NMNAT2: variants seen among roughly 807,000 people sequenced by gnomAD.
The protein encoded by NMNAT2 is nicotinamide nucleotide adenylyltransferase 2, also known as nicotinamide/nicotinic acid mononucleotide adenylyltransferase 2.
A neutral mutation model predicts 41.6 loss-of-function variants in NMNAT2; 11 were observed. The observed-to-expected ratio is 0.26, with a 90% CI of 0.17 to 0.44. The LOEUF is 0.44. Among genes scored for constraint, NMNAT2 ranks in the 20% least tolerant of loss-of-function variants. NMNAT2 has a pLI of 1.00. For synonymous variants in NMNAT2, 148 were observed against 151.2 expected (o/e 0.98, Z 0.16); for missense variants, 288 against 407.7 (o/e 0.71, Z 2.53).
At chr1:183,314,794 C>T (rs1353021437) in intron 1 of NMNAT2, among the ~76,000 whole-genome samples, 2 of 152,150 alleles carry the variant, frequency 1.3e-5, no homozygotes, top group Non-Finnish European at 2.9e-5. Context: ...CAGGAGCCTT[C>T]CTTGAGCCCA....
chr1:183,343,804 C>T (rs574423575), intron 1 of NMNAT2, among the ~76,000 whole-genome samples: 21 of 152,290 alleles, frequency 1.4e-4, no homozygotes, highest in African/African-American at 4.8e-4. Context: ...ATTCCAGTGA[C>T]TCCACAACTT....
chr1:183,411,410 C>T (rs1649112833), intron 1 of NMNAT2, among the ~76,000 whole-genome samples: 2 of 152,048 alleles, frequency 1.3e-5, no homozygotes, highest in African/African-American at 2.4e-5. Context: ...CACCTCTGAC[C>T]GTCCCACCTC....
At chr1:183,262,372 G>A (rs1660682593) in intron 8 of NMNAT2, among the ~76,000 whole-genome samples, 1 of 150,562 alleles carries the variant, frequency 6.6e-6, no homozygotes, top group Non-Finnish European at 1.5e-5. Context: ...ATGGTCTAAT[G>A]TATATCTGTA....
At chr1:183,358,110 C>A (rs1663235475) in intron 1 of NMNAT2, among the ~76,000 whole-genome samples, 1 of 152,128 alleles carries the variant, frequency 6.6e-6, no homozygotes, top group Admixed American at 6.6e-5. Flanking sequence ...GAGATCATGT[C>A]CTTTGCAGGG....
chr1:183,255,917 G>T (rs777918084), intron 10 of NMNAT2, among the ~76,000 whole-genome samples: 1 of 151,822 alleles, frequency 6.6e-6, no homozygotes, highest in South Asian at 2.1e-4. Context: ...ACCTGCCTCC[G>T]CCTCCCAAAG....
At chr1:183,309,265 G>A (rs888473949) in intron 1 of NMNAT2, among the ~76,000 whole-genome samples, 3 of 152,200 alleles carry the variant, frequency 2.0e-5, no homozygotes, top group African/African-American at 4.8e-5. Context: ...CTCTCAAAGT[G>A]CTGGAATTAT....
At position 183,264,957 on chromosome 1, in the gene NMNAT2, G is replaced by A. The variant is rs185059027; in HGVS notation, c.652-3654C>T. Among the ~76,000 whole-genome samples the A allele has an allele frequency of 1.5e-3, 223 of 152,160 alleles. 3 individuals are homozygous for A. Among genetic ancestry groups the A allele is most frequent in the African/African-American group, 5.2e-3 (215 of 41,506 alleles). ...GGATTCCCCCAAGCCTCAGTCCCTG[G>A]ACGTTTTTTCTTTTCTATTCACACT... On this transcript the variant is annotated intron_variant, in intron 8 of 10. Coordinates refer to ENST00000287713, the MANE Select transcript of NMNAT2 (RefSeq NM_015039.4).
At chr1:183,292,743 A>G (rs200770027) in intron 3 of NMNAT2, 47 bp downstream of exon 3, 7 of 1,559,920 alleles carry the variant, frequency 4.5e-6, no homozygotes, top group Non-Finnish European at 3.5e-6. Context: ...CCCCACTCCC[A>G]GTAAGTCTCC....
chr1:183,326,706 A>G (rs1662471812), intron 1 of NMNAT2, among the ~76,000 whole-genome samples: 1 of 152,208 alleles, frequency 6.6e-6, no homozygotes, highest in African/African-American at 2.4e-5. Context: ...CTTACTCATG[A>G]AAAGCACCCT....
intron 8 of NMNAT2, among the ~76,000 whole-genome samples, chr1:183,271,475 T>G (rs999424381): frequency 2.6e-5 from 4 of 152,230 alleles, no homozygotes; most frequent in African/African-American, 9.6e-5. Context: ...TCAGGTACTT[T>G]GTCTACTTTG....
At chr1:183,324,569 C>T (rs1662421937) in intron 1 of NMNAT2, among the ~76,000 whole-genome samples, 1 of 152,164 alleles carries the variant, frequency 6.6e-6, no homozygotes, top group African/African-American at 2.4e-5. Flanking sequence ...TCTGCCAGAA[C>T]CAACAGCGCA....
rs1044298795 is a variant in NMNAT2 at position 183,380,213 on chromosome 1, A to G, written c.85+37970T>C. Among the ~76,000 whole-genome samples, 5 of 152,234 alleles carry G rather than the reference A, an allele frequency of 3.3e-5. No individual in the cohort carries two copies. In the East Asian group the frequency reaches 9.6e-4, roughly 29 times the overall value. On this transcript the variant is annotated intron_variant, in intron 1 of 10. Transcript: ENST00000287713. ...TTTTCTTTGGCAGCTGGGAAGCTCAAGAAAAACATCTTTAGTCCATGGAAA... is the reference window on the plus strand; with the variant it reads ...TTTTCTTTGGCAGCTGGGAAGCTCAGGAAAAACATCTTTAGTCCATGGAAA...
At chr1:183,255,961 G>T (rs1179620741) in intron 10 of NMNAT2, among the ~76,000 whole-genome samples, 1 of 151,960 alleles carries the variant, frequency 6.6e-6, no homozygotes, top group African/African-American at 2.4e-5. Context: ...ACCGTGCCTG[G>T]CTGTCTAACT....
intron 8 of NMNAT2, among the ~76,000 whole-genome samples, chr1:183,272,705 T>C (rs1029782673): frequency 2.0e-5 from 3 of 152,164 alleles, no homozygotes; most frequent in African/African-American, 7.2e-5. Context: ...GAGGAGGCCT[T>C]GTCAGTCCTG....
chr1:183,274,989 G>A (rs1189225424), intron 8 of NMNAT2, among the ~76,000 whole-genome samples: 1 of 152,198 alleles, frequency 6.6e-6, no homozygotes, highest in South Asian at 2.1e-4. Context: ...CGGGCCTGGT[G>A]ATCACAATGG....
rs199699871 is a variant in NMNAT2, at chr1:183,249,401, G to A, written c.*3240C>T. ...AAAATGGGAGAGACATTTTTTGCTG[G>A]TGAACAGGAAACAAAGCTCCAGACC... On this transcript the variant is annotated 3_prime_UTR_variant, in exon 11 of 11. Transcript: ENST00000287713. 2 of 152,058 alleles carry A rather than the reference G, an allele frequency of 1.3e-5. No homozygotes were observed. Among genetic ancestry groups the A allele is most frequent in the Admixed American group, 6.5e-5 (1 of 15,268 alleles). The allele number at this position is 152,058 out of a possible 1,614,324, so 9.4% of individuals were successfully genotyped here. A position where few individuals can be genotyped will look rare whatever the true frequency, so the allele number is the denominator to read the frequency against.
At chr1:183,372,547 G>A (rs1557892583) in intron 1 of NMNAT2, among the ~76,000 whole-genome samples, 1 of 152,150 alleles carries the variant, frequency 6.6e-6, no homozygotes, top group African/African-American at 2.4e-5. Context: ...GGTTCTTCCT[G>A]TTCCTCAAAA....
chr1:183,371,749 C>T (rs1663548676), intron 1 of NMNAT2, among the ~76,000 whole-genome samples: 1 of 152,062 alleles, frequency 6.6e-6, no homozygotes, highest in African/African-American at 2.4e-5. Flanking sequence ...TCCCAAGTAC[C>T]TTCTTTTCTT....
At chr1:183,252,983 G>C (rs1660430341) in intron 10 of NMNAT2, among the ~76,000 whole-genome samples, 1 of 152,118 alleles carries the variant, frequency 6.6e-6, no homozygotes, top group African/African-American at 2.4e-5. Context: ...AAGCCCCTCT[G>C]TTCTTCAGTT....
Sources: allele counts gnomAD v4.1 joint callset (sites outside exome capture counted in the v4.1 genomes callset), GRCh38; gene constraint gnomAD v4.1.1; transcripts MANE v1.5; gene names NCBI Gene and HGNC (gene_info 2026-07-23, HGNC 2026-07-21).